CCDC171: variants seen among roughly 807,000 people sequenced by gnomAD.
CCDC171 encodes the protein coiled-coil domain containing 171.
Under a neutral mutation model 168.2 loss-of-function variants are expected in CCDC171, and 177 were observed. The observed-to-expected ratio is 1.05, with a 90% CI of 0.93 to 1.19. The LOEUF is 1.19. CCDC171 is among the 50% of genes most tolerant of loss of function. The probability of loss-of-function intolerance (pLI) is 0.00; values close to 1 mark genes in which losing one functional copy is unlikely to be tolerated. For missense variants in CCDC171, 1,991 were observed against 1,539.0 expected (o/e 1.29, Z -4.91); for synonymous variants, 687 against 540.8 (o/e 1.27, Z -3.75).
chr9:15,990,130 A>T (rs1832138085), intron 3 of CCDC171, among the ~76,000 whole-genome samples: 1 of 152,156 alleles, frequency 6.6e-6, no homozygotes, highest in Non-Finnish European at 1.5e-5. Flanking sequence ...TAATTGTCAG[A>T]TTCACCAAAG....
intron 2 of CCDC171, among the ~76,000 whole-genome samples, chr9:15,569,747 G>A (rs112079175): frequency 6.6e-5 from 10 of 151,368 alleles, no homozygotes; most frequent in South Asian, 4.2e-4. Flanking sequence ...CCCGGGAGGC[G>A]GAGCTTGCAG....
intron 14 of CCDC171, among the ~76,000 whole-genome samples, chr9:15,725,838 T>C (rs1320048405): frequency 6.6e-6 from 1 of 152,184 alleles, no homozygotes; most frequent in Non-Finnish European, 1.5e-5. Context: ...AATAAAAATT[T>C]AGAAAAATAA....
intron 18 of CCDC171, among the ~76,000 whole-genome samples, chr9:15,746,825 C>A (rs1179630596): frequency 6.6e-6 from 1 of 152,158 alleles, no homozygotes; most frequent in Non-Finnish European, 1.5e-5. Flanking sequence ...CACAAGGGGT[C>A]AGGGGATTTT....
At chr9:15,853,688 G>GT (rs1028255035) in intron 23 of CCDC171, among the ~76,000 whole-genome samples, 2 of 151,628 alleles carry the variant, frequency 1.3e-5, no homozygotes, top group Non-Finnish European at 3.0e-5. Context: ...TAAGGGGAAA[G>GT]TTTTTGGTCT....
rs900368466 is a variant in CCDC171 at position 15,649,452 on chromosome 9, C to T, written c.823-7675C>T. Among the ~76,000 whole-genome samples the T allele has an allele frequency of 8.7e-4, 132 of 152,126 alleles. 1 individual carries two copies. The highest frequency in any genetic ancestry group is 2.8e-3 in the African/African-American group (117 of 41,498). Reference sequence around the variant, plus strand: ...ACAGCAAAAGAAGCTACCATCAGAGCGAACAGGTAACCTACAGAATGGGAG... The same window carrying T: ...ACAGCAAAAGAAGCTACCATCAGAGTGAACAGGTAACCTACAGAATGGGAG... On this transcript the variant is annotated intron_variant, in intron 7 of 25. Transcript: ENST00000380701.
At chr9:15,945,753 T>G (rs1281927669) in intron 25 of CCDC171, among the ~76,000 whole-genome samples, 2 of 151,960 alleles carry the variant, frequency 1.3e-5, no homozygotes, top group African/African-American at 4.8e-5. Context: ...TAAATTTGTT[T>G]GAGTTCATTG....
At chr9:16,078,055 AACACACACACACACACACAC>A in the CCDC171 span, among the ~76,000 whole-genome samples, 8,121 of 143,858 alleles carry the variant, frequency 0.056, 653 homozygotes, top group African/African-American at 0.18. Context: ...CACCCATGCA[AACACACACACACACACACAC>A]ACACACACAC....
intron 25 of CCDC171, among the ~76,000 whole-genome samples, chr9:15,966,058 G>A (rs1322326369): frequency 6.6e-6 from 1 of 152,058 alleles, no homozygotes; most frequent in East Asian, 1.9e-4. Context: ...CTAAGTGCTA[G>A]GGTACAAAGT....
intron 11 of CCDC171, among the ~76,000 whole-genome samples, chr9:15,718,916 C>G (rs1403275453): frequency 6.6e-6 from 1 of 152,118 alleles, no homozygotes; most frequent in Non-Finnish European, 1.5e-5. Flanking sequence ...CTCGTCAATG[C>G]CCAGACACTG....
chr9:15,617,561 A>G (rs1264562563), intron 6 of CCDC171, among the ~76,000 whole-genome samples: 7 of 152,012 alleles, frequency 4.6e-5, no homozygotes, highest in African/African-American at 1.2e-4. Flanking sequence ...TATTTTTAGT[A>G]GAGACGGGGT....
At chr9:15,573,986 T>C (rs184279299) in intron 3 of CCDC171, among the ~76,000 whole-genome samples, 23 of 152,310 alleles carry the variant, frequency 1.5e-4, no homozygotes, top group African/African-American at 4.6e-4. Context: ...TTCTCTTTTA[T>C]TTGATCAAAA....
chr9:15,790,777 G>A (rs1451001012), intron 21 of CCDC171, among the ~76,000 whole-genome samples: 1 of 152,132 alleles, frequency 6.6e-6, no homozygotes, highest in African/African-American at 2.4e-5. Flanking sequence ...TTTTGTATAA[G>A]GTGTAAGGAA....
intron 16 of CCDC171, among the ~76,000 whole-genome samples, chr9:15,743,887 A>G (rs1042922144): frequency 1.3e-5 from 2 of 152,360 alleles, no homozygotes; most frequent in Admixed American, 6.5e-5. Context: ...TGGCAGTGTC[A>G]TTTCTGTTTA....
rs1833747542 is a variant in CCDC171 at position 16,051,405 on chromosome 9, C to G, written n.89+8519C>G. ...GAGTCCCAGGCTATCCTCTCTCTCC[C>G]TGACTGCTGCCCTCATCCTCTGGTC... On this transcript the variant is annotated intron_variant and non_coding_transcript_variant, in intron 1 of 1. Transcript: ENST00000478913. Among the ~76,000 whole-genome samples, 9 of 152,314 alleles carry G rather than the reference C, an allele frequency of 5.9e-5. No homozygotes were observed. The South Asian group carries it at 1.7e-3, about 28-fold the overall frequency.
At chr9:16,048,570 G>A (rs865932835) in intron 1 of CCDC171, among the ~76,000 whole-genome samples, 11 of 152,154 alleles carry the variant, frequency 7.2e-5, no homozygotes, top group Admixed American at 3.3e-4. Context: ...AGATTTGGGG[G>A]CAAAATTTTC....
chr9:15,861,741 C>T (rs963769988), intron 23 of CCDC171, among the ~76,000 whole-genome samples: 23 of 151,804 alleles, frequency 1.5e-4, no homozygotes, highest in African/African-American at 4.6e-4. Flanking sequence ...TTAATACTTT[C>T]GTGTTTTAAC....
At chr9:15,728,746 C>T (rs2053973896) in intron 15 of CCDC171, among the ~76,000 whole-genome samples, 2 of 151,934 alleles carry the variant, frequency 1.3e-5, no homozygotes, top group Non-Finnish European at 2.9e-5. Flanking sequence ...TATCCTGGGT[C>T]TATTGAACTA....
At chr9:16,082,111 G>T in the CCDC171 span, among the ~76,000 whole-genome samples, 13 of 152,156 alleles carry the variant, frequency 8.5e-5, no homozygotes, top group African/African-American at 2.9e-4. Flanking sequence ...ATTTAGTTTT[G>T]GGGGGACTGC....
At chr9:15,900,294 A>G (rs954834118) in intron 24 of CCDC171, among the ~76,000 whole-genome samples, 7 of 152,198 alleles carry the variant, frequency 4.6e-5, no homozygotes, top group East Asian at 1.9e-4. Context: ...GCAAACAGCC[A>G]TGTTGAAAGA....
Sources: allele counts gnomAD v4.1 joint callset (sites outside exome capture counted in the v4.1 genomes callset), GRCh38; gene constraint gnomAD v4.1.1; transcripts MANE v1.5; gene names NCBI Gene and HGNC (gene_info 2026-07-23, HGNC 2026-07-21).